PARD3: variants seen among roughly 807,000 people sequenced by gnomAD.
PARD3 encodes partitioning defective 3 homolog.
A neutral mutation model predicts 155.4 loss-of-function variants in PARD3; 75 were observed. The observed-to-expected ratio is 0.48, with a 90% CI of 0.40 to 0.58. The LOEUF is 0.58. Ranked by LOEUF, PARD3 falls within the 20% of genes least tolerant of loss-of-function variation. The pLI, the probability that PARD3 is intolerant of heterozygous loss-of-function variation, is 0.00. For missense variants in PARD3, 1,642 were observed against 1,721.7 expected, an observed-to-expected ratio of 0.95 and a Z score of 0.82; for synonymous variants, 576 against 610.5, an observed-to-expected ratio of 0.94 and a Z score of 0.83.
At chr10:34,290,798 A>C (rs1956639987) in intron 20 of PARD3, among the ~76,000 whole-genome samples, 1 of 152,172 alleles carries the variant, frequency 6.6e-6, no homozygotes, top group Non-Finnish European at 1.5e-5. Context: ...TAATGCTGTC[A>C]TTTGTCCTAA....
intron 2 of PARD3, among the ~76,000 whole-genome samples, chr10:34,548,771 G>T (rs1426875179): frequency 6.6e-6 from 1 of 150,772 alleles, no homozygotes; most frequent in Admixed American, 6.6e-5. Flanking sequence ...GCCTTTTATT[G>T]GCTTTAGTTT....
intron 2 of PARD3, among the ~76,000 whole-genome samples, chr10:34,673,632 G>T: frequency 6.6e-6 from 1 of 152,236 alleles, no homozygotes; most frequent in Non-Finnish European, 1.5e-5. Context: ...CACCTTTTCT[G>T]CTACGATTAG....
At chr10:34,592,555 C>T (rs1026575829) in intron 2 of PARD3, among the ~76,000 whole-genome samples, 4 of 152,156 alleles carry the variant, frequency 2.6e-5, no homozygotes, top group Non-Finnish European at 1.5e-5. Flanking sequence ...GCAGACAGAT[C>T]ACCAGAGGTC....
intron 1 of PARD3, among the ~76,000 whole-genome samples, chr10:34,804,422 T>C (rs1843132328): frequency 6.6e-6 from 1 of 152,212 alleles, no homozygotes; most frequent in Non-Finnish European, 1.5e-5. Flanking sequence ...TCAACATTAA[T>C]GAATTTAGTG....
At chr10:34,437,996 C>G (rs1407181983) in intron 5 of PARD3, among the ~76,000 whole-genome samples, 1 of 152,148 alleles carries the variant, frequency 6.6e-6, no homozygotes, top group Non-Finnish European at 1.5e-5. Flanking sequence ...AAAAATCTCA[C>G]ATAAGTAGCT....
chr10:34,141,997 A>G (rs1948212513), intron 22 of PARD3, among the ~76,000 whole-genome samples: 1 of 152,134 alleles, frequency 6.6e-6, no homozygotes. Context: ...ACTAATTATC[A>G]AGGTTTTGGT....
chr10:34,706,089 G>A (rs188844110), intron 1 of PARD3, among the ~76,000 whole-genome samples: 126 of 152,280 alleles, frequency 8.3e-4, no homozygotes, highest in Non-Finnish European at 1.4e-3. Context: ...AGACTACAGC[G>A]CTGGCACAGG....
chr10:34,610,195 G>A (rs2132610690), intron 2 of PARD3, among the ~76,000 whole-genome samples: 2 of 152,188 alleles, frequency 1.3e-5, no homozygotes, highest in Middle Eastern at 3.4e-3. Context: ...TAGGGCATGT[G>A]GCAAGAAGGA....
intron 2 of PARD3, among the ~76,000 whole-genome samples, chr10:34,597,796 G>T (rs1039545909): frequency 2.6e-5 from 4 of 152,144 alleles, no homozygotes; most frequent in Non-Finnish European, 5.9e-5. Flanking sequence ...TGATTGTCCA[G>T]TGAGCTGGGC....
intron 2 of PARD3, among the ~76,000 whole-genome samples, chr10:34,650,209 G>C (rs11009846): frequency 6.6e-6 from 1 of 152,172 alleles, no homozygotes; most frequent in Non-Finnish European, 1.5e-5. Context: ...CATGCACCGT[G>C]CACAACTGTA....
intron 22 of PARD3, among the ~76,000 whole-genome samples, chr10:34,132,338 C>T (rs1042514891): frequency 2.2e-5 from 3 of 137,824 alleles, no homozygotes; most frequent in East Asian, 4.4e-4. Context: ...CACCCACCTA[C>T]GCACACGTTT....
intron 2 of PARD3, among the ~76,000 whole-genome samples, chr10:34,694,352 T>C (rs2496740): frequency 0.59 from 89,351 of 151,732 alleles, 27,681 homozygotes; most frequent in Non-Finnish European, 0.67. Context: ...GTACTCTTCA[T>C]GTGGACTGCA....
intron 1 of PARD3, among the ~76,000 whole-genome samples, chr10:34,718,149 CAAAAAAA>C (rs71033340): frequency 1.9e-3 from 160 of 82,758 alleles, no homozygotes; most frequent in Non-Finnish European, 2.8e-3. Flanking sequence ...GACTCCATCT[CAAAAAAA>C]AAAAAAAAAA....
intron 2 of PARD3, among the ~76,000 whole-genome samples, chr10:34,621,257 C>G (rs2091660176): frequency 6.6e-6 from 1 of 152,014 alleles, no homozygotes; most frequent in Non-Finnish European, 1.5e-5. Context: ...GGAAGAGTCT[C>G]TGTCACCCAG....
At chr10:34,772,809 A>C (rs1298514488) in intron 1 of PARD3, among the ~76,000 whole-genome samples, 3 of 151,786 alleles carry the variant, frequency 2.0e-5, no homozygotes, top group African/African-American at 4.8e-5. Context: ...AAAAAAAAAA[A>C]AAAAAAACTA....
intron 22 of PARD3, among the ~76,000 whole-genome samples, chr10:34,176,202 T>C (rs1046234844): frequency 2.6e-5 from 4 of 152,182 alleles, no homozygotes; most frequent in Non-Finnish European, 5.9e-5. Flanking sequence ...TTTGACGTAT[T>C]AGAGCCAAGA....
At chr10:34,378,559 G>T (rs548270034) in intron 9 of PARD3, among the ~76,000 whole-genome samples, 1 of 152,202 alleles carries the variant, frequency 6.6e-6, no homozygotes, top group South Asian at 2.1e-4. Flanking sequence ...AGATGGAAAA[G>T]AACAGTGAAA....
intron 22 of PARD3, among the ~76,000 whole-genome samples, chr10:34,183,984 T>C (rs1170393636): frequency 6.6e-6 from 1 of 152,174 alleles, no homozygotes; most frequent in Non-Finnish European, 1.5e-5. Flanking sequence ...GGCTGGCTAA[T>C]TTTTGTATTT....
At chr10:34,214,074 T>C (rs1400301062) in intron 22 of PARD3, among the ~76,000 whole-genome samples, 2 of 152,022 alleles carry the variant, frequency 1.3e-5, no homozygotes, top group Admixed American at 6.6e-5. Flanking sequence ...TAAAAAAATA[T>C]ATTTTTTGTA....
Sources: allele counts gnomAD v4.1 joint callset (sites outside exome capture counted in the v4.1 genomes callset), GRCh38; gene constraint gnomAD v4.1.1; transcripts MANE v1.5; gene names NCBI Gene and HGNC (gene_info 2026-07-23, HGNC 2026-07-21).